MSR1: variants seen among roughly 807,000 people sequenced by gnomAD.
MSR1 encodes macrophage scavenger receptor types I and II.
In MSR1, 53 loss-of-function variants were observed where a neutral mutation model predicts 47.2. The ratio of observed to expected loss-of-function variants is 1.12; its 90% CI spans 0.90 to 1.41. MSR1 has a LOEUF of 1.41. MSR1 is among the 40% of genes most tolerant of loss of function. The pLI is 0.00. For synonymous variants in MSR1, 239 were observed against 185.6 expected (o/e 1.29, Z -2.34); for missense variants, 786 against 546.9 (o/e 1.44, Z -4.36).
intron 1 of MSR1, among the ~76,000 whole-genome samples, chr8:16,189,746 C>T (rs1174022078): frequency 9.4e-6 from 1 of 106,926 alleles, no homozygotes; most frequent in Non-Finnish European, 1.7e-5. Context: ...TATATAAAAT[C>T]TTATTTTATA....
intron 1 of MSR1, among the ~76,000 whole-genome samples, chr8:16,189,865 C>A (rs1158755336): frequency 1.4e-5 from 2 of 145,844 alleles, no homozygotes; most frequent in African/African-American, 2.5e-5. Context: ...TTTTCCTTTT[C>A]CCAGGGGGCA....
At chr8:16,141,272 A>T (rs749070901) in intron 8 of MSR1, among the ~76,000 whole-genome samples, 5 of 152,048 alleles carry the variant, frequency 3.3e-5, no homozygotes, top group Non-Finnish European at 7.4e-5. Flanking sequence ...CCTTTGAACC[A>T]TTGATTCTAC....
At chr8:16,120,701 A>C in intron 8 of MSR1, 95 bp from the exon 9 acceptor site, 9 of 1,401,554 alleles carry the variant, frequency 6.4e-6, no homozygotes, top group Non-Finnish European at 8.6e-6. Flanking sequence ...TAAACACAAA[A>C]AAATGTTTAG....
intron 1 of MSR1, among the ~76,000 whole-genome samples, chr8:16,188,873 G>T (rs555952370): frequency 3.3e-5 from 5 of 151,320 alleles, no homozygotes; most frequent in African/African-American, 1.2e-4. Flanking sequence ...GTAGTCCATG[G>T]TGTATATATG....
chr8:16,142,444 T>C (rs986049548), intron 8 of MSR1, among the ~76,000 whole-genome samples: 8 of 152,150 alleles, frequency 5.3e-5, no homozygotes, highest in African/African-American at 1.9e-4. Context: ...ATGTTTCTAT[T>C]GTTTTAATAT....
chr8:16,180,131 T>G (rs1801785370), intron 1 of MSR1, among the ~76,000 whole-genome samples: 1 of 151,614 alleles, frequency 6.6e-6, no homozygotes, highest in Admixed American at 6.6e-5. Flanking sequence ...CCCTTCTCCC[T>G]CTCTCCTCTC....
intron 7 of MSR1, among the ~76,000 whole-genome samples, chr8:16,144,215 C>T (rs1800637479): frequency 6.6e-6 from 1 of 152,030 alleles, no homozygotes; most frequent in Non-Finnish European, 1.5e-5. Context: ...CAAATGGATG[C>T]AGAAACATTG....
At chr8:16,168,920 A>G (rs1254765981) in intron 3 of MSR1, 50 bp from the exon 4 acceptor site, 1 of 1,516,932 alleles carries the variant, frequency 6.6e-7, no homozygotes, top group Non-Finnish European at 9.1e-7. Flanking sequence ...CCTTGAATGC[A>G]TACAGGATCC....
In MSR1 at chr8:16,140,349, A is replaced by T. The variant is rs1004587044; in HGVS notation, c.1033+3209T>A. 5.2e-5 allele frequency: 51 copies of T among 985,338 alleles called. 1 individual carries two copies. The highest frequency in any genetic ancestry group is 6.2e-5 in the Admixed American group (1 of 16,258). 61.0% of individuals were successfully genotyped at this position (985,338 alleles called of 1,614,324 possible). On this transcript the variant is annotated intron_variant, in intron 8 of 9. Transcript: ENST00000262101. Reference sequence around the variant, plus strand: ...TTGATCAAAAATGCTTTGGAAAGAGACCAGTATTCATTGAAGATTGAGCTG... The same window carrying T: ...TTGATCAAAAATGCTTTGGAAAGAGTCCAGTATTCATTGAAGATTGAGCTG...
chr8:16,155,183 C>T lies in MSR1; in HGVS notation c.818-39G>A, dbSNP rs1800971042. 5 of 1,522,424 alleles carry T rather than the reference C, an allele frequency of 3.3e-6. No individual in the cohort carries two copies. The South Asian group carries it at 5.7e-5, about 17-fold the overall frequency. The allele number at this position is 1,522,424 out of a possible 1,614,324, so 94.3% of individuals were successfully genotyped here. On this transcript the variant is annotated intron_variant, in intron 5 of 9. Coordinates refer to ENST00000262101, the MANE Select transcript of MSR1 (RefSeq NM_138715.3). The stretch of plus-strand genomic sequence containing the variant: ...ACAGTTACTGATCATAGTTGTAAAG[C>T]ATAGGAAAAATGGGTTAGTCATCTG...
intron 3 of MSR1, among the ~76,000 whole-genome samples, chr8:16,174,899 T>A (rs185490267): frequency 2.6e-5 from 4 of 152,262 alleles, no homozygotes; most frequent in African/African-American, 9.6e-5. Context: ...TAGAGGATAA[T>A]ATATTTTTGA....
chr8:16,164,949 A>G (rs2117171736), intron 4 of MSR1, among the ~76,000 whole-genome samples: 1 of 152,168 alleles, frequency 6.6e-6, no homozygotes, highest in Non-Finnish European at 1.5e-5. Flanking sequence ...TATATTAAGG[A>G]TATTTATCTA....
chr8:16,175,641 T>G (rs1022386423), intron 2 of MSR1, among the ~76,000 whole-genome samples: 7 of 152,220 alleles, frequency 4.6e-5, no homozygotes, highest in Non-Finnish European at 1.0e-4. Flanking sequence ...AATGTTCATA[T>G]GGGAAAATAT....
At chr8:16,131,441 GTTTTT>G (rs56321577) in intron 8 of MSR1, among the ~76,000 whole-genome samples, 2 of 54,686 alleles carry the variant, frequency 3.7e-5, no homozygotes, top group East Asian at 5.4e-4. Flanking sequence ...TCTGTTGATA[GTTTTT>G]TTTTTTTTTT....
Position 16,109,579 on chromosome 8 carries a change from T to C in MSR1, c.*506A>G, listed in dbSNP as rs1799710092. 1.8e-5 allele frequency: 3 copies of C among 167,398 alleles called. No homozygotes were observed. Among genetic ancestry groups the C allele is most frequent in the Admixed American group, 1.7e-4 (3 of 17,724 alleles). 10.4% of individuals were successfully genotyped at this position (167,398 alleles called of 1,614,324 possible). A position where few individuals can be genotyped will look rare whatever the true frequency, so the allele number is the denominator to read the frequency against. Reference sequence around the variant, plus strand: ...ATACACAAGTTATTGCACATTGAGATATCTTAATAGTTGGATAACATTCTT... The same window carrying C: ...ATACACAAGTTATTGCACATTGAGACATCTTAATAGTTGGATAACATTCTT... On this transcript the variant is annotated 3_prime_UTR_variant, in exon 10 of 10. Coordinates refer to ENST00000262101, the MANE Select transcript of MSR1 (RefSeq NM_138715.3).
At chr8:16,165,261 G>A (rs1362103425) in intron 4 of MSR1, among the ~76,000 whole-genome samples, 3 of 151,964 alleles carry the variant, frequency 2.0e-5, no homozygotes, top group African/African-American at 7.2e-5. Flanking sequence ...GCGTATCAGC[G>A]TCCACTTTTT....
intron 8 of MSR1, among the ~76,000 whole-genome samples, chr8:16,126,130 C>T (rs188773466): frequency 6.6e-6 from 1 of 152,020 alleles, no homozygotes; most frequent in South Asian, 2.1e-4. Flanking sequence ...TACCTGAACC[C>T]TGCACAAATT....
chr8:16,150,268 A>T lies in MSR1; in HGVS notation c.942T>A (p.Pro314=), dbSNP rs568832207. Residue 314 remains proline (P), a synonymous_variant, in exon 7 of 10, where the codon CCT becomes CCA. Transcript: ENST00000262101. ...CATATCCTGGGAGTCCTCGACTTCC[A>T]GGAAAGCCAATTGCTCCCCGATCAC... ...LKGDRGAIGF[P]GSRGLPGYAG... 1.3e-6 allele frequency: 2 copies of T among 1,568,102 alleles called. No individual in the cohort carries two copies. The highest frequency in any genetic ancestry group is 3.5e-5 in the Admixed American group (2 of 56,498).
chr8:16,182,531 A>C (rs1801864291), intron 1 of MSR1, among the ~76,000 whole-genome samples: 2 of 151,986 alleles, frequency 1.3e-5, no homozygotes, highest in African/African-American at 4.8e-5. Context: ...TTTCTTTCTA[A>C]ACAGCTTTAT....
Sources: allele counts gnomAD v4.1 joint callset (sites outside exome capture counted in the v4.1 genomes callset), GRCh38; gene constraint gnomAD v4.1.1; transcripts MANE v1.5; gene names NCBI Gene and HGNC (gene_info 2026-07-23, HGNC 2026-07-21).